Variants in MLYCD observed in about 807,000 individuals in gnomAD.
MLYCD encodes the protein malonyl-CoA decarboxylase, mitochondrial.
MLYCD carries 27 observed loss-of-function variants against 35.8 expected under a neutral mutation model. The ratio of observed to expected loss-of-function variants is 0.75; its 90% CI spans 0.56 to 1.04. The LOEUF (loss-of-function observed/expected upper bound fraction) is 1.04, where lower values mean the gene tolerates loss of function less well. MLYCD is among the 50% of genes least tolerant of loss of function. MLYCD has a pLI of 0.00. For missense variants in MLYCD, 917 were observed against 665.1 expected (o/e 1.38, Z -4.17); for synonymous variants, 403 against 302.4 (o/e 1.33, Z -3.45).
At position 83,899,479 on chromosome 16, in the gene MLYCD, T is replaced by C; in HGVS notation, c.335T>C (p.Leu112Pro). ...GAGCAGAGCGCCGGCGTGCTCCATC[T>C]GCGCCAGCAGCAGCGGGAGGCGGCG... ...VAEQSAGVLH[L>P]RQQQREAAVL... The change falls in exon 1 of 5, where the codon CTG becomes CCG. Residue 112 changes from leucine (L) to proline (P), a missense_variant. Leu to Pro is a moderately conservative substitution (Grantham distance 98, BLOSUM62 -3). Transcript: ENST00000262430. The C allele has an allele frequency of 6.4e-7, 1 of 1,558,362 alleles. No individual in the cohort carries two copies. Among genetic ancestry groups the C allele is most frequent in the Non-Finnish European group, 8.6e-7 (1 of 1,162,676 alleles).
At chr16:83,907,841 T>G (rs963367010) in intron 2 of MLYCD, among the ~76,000 whole-genome samples, 19 of 152,152 alleles carry the variant, frequency 1.2e-4, no homozygotes, top group Non-Finnish European at 2.2e-4. Flanking sequence ...TGATTAGGTT[T>G]CACGTTAAAA....
At chr16:83,909,100 TTGTG>T (rs1222180687) in intron 3 of MLYCD, among the ~76,000 whole-genome samples, 1 of 152,116 alleles carries the variant, frequency 6.6e-6, no homozygotes, top group Non-Finnish European at 1.5e-5. Flanking sequence ...CTTACAATGT[TTGTG>T]TGTGAAAGAG....
rs74032324 is a variant in MLYCD, at chr16:83,923,384, G to A, written c.*7895G>A. ...TGATCTACTCTTAGAAACAAAAGCTGCCCATGATTTCACCACAGAAAGTCT... is the reference window on the plus strand; with the variant it reads ...TGATCTACTCTTAGAAACAAAAGCTACCCATGATTTCACCACAGAAAGTCT... On this transcript the variant is annotated 3_prime_UTR_variant, in exon 5 of 5. Coordinates refer to ENST00000262430, the MANE Select transcript of MLYCD (RefSeq NM_012213.3). 6.6e-6 allele frequency: 1 copy of A among 152,348 alleles called. No homozygotes were observed. The highest frequency in any genetic ancestry group is 2.4e-5 in the African/African-American group (1 of 41,576). 9.4% of individuals were successfully genotyped at this position (152,348 alleles called of 1,614,324 possible).
chr16:83,917,154 C>G lies in MLYCD; in HGVS notation c.*1665C>G, dbSNP rs28529057. ...AGCGTTCTATGTGGATCAGTGCACG[C>G]CTGTGTGCGTGTGCACGAGCGTCTC... On this transcript the variant is annotated 3_prime_UTR_variant, in exon 5 of 5. Coordinates refer to ENST00000262430, the MANE Select transcript of MLYCD (RefSeq NM_012213.3). 7.5e-5 allele frequency: 5 copies of G among 66,338 alleles called. No homozygotes were observed. The highest frequency in any genetic ancestry group is 3.6e-4 in the African/African-American group (5 of 13,736). 4.1% of individuals were successfully genotyped at this position (66,338 alleles called of 1,614,324 possible). A position where few individuals can be genotyped will look rare whatever the true frequency, so the allele number is the denominator to read the frequency against.
intron 2 of MLYCD, among the ~76,000 whole-genome samples, chr16:83,907,529 AG>A (rs1907023394): frequency 6.6e-6 from 1 of 152,124 alleles, no homozygotes. Context: ...ATCATGTGTT[AG>A]TTACATCCAG....
chr16:83,907,845 G>A (rs1034063128), intron 2 of MLYCD, among the ~76,000 whole-genome samples: 3 of 152,132 alleles, frequency 2.0e-5, no homozygotes, highest in Admixed American at 1.3e-4. Context: ...TAGGTTTCAC[G>A]TTAAAATCTG....
chr16:83,902,289 C>A (rs1906823530), intron 1 of MLYCD, among the ~76,000 whole-genome samples: 1 of 149,830 alleles, frequency 6.7e-6, no homozygotes, highest in African/African-American at 2.5e-5. Flanking sequence ...GTCTTGAACT[C>A]CTGGCCTCAA....
rs1258485420 is a variant in MLYCD at position 83,918,349 on chromosome 16, G to T, written c.*2860G>T. ...CAGTGCACAGGAGAACACGCACACGGTGCACAGGAGAACACGCACACATGT... is the reference window on the plus strand; with the variant it reads ...CAGTGCACAGGAGAACACGCACACGTTGCACAGGAGAACACGCACACATGT... On this transcript the variant is annotated 3_prime_UTR_variant, in exon 5 of 5. Coordinates refer to ENST00000262430, the MANE Select transcript of MLYCD (RefSeq NM_012213.3). 1 of 144,500 alleles carries T rather than the reference G, an allele frequency of 6.9e-6. No homozygotes were observed. The highest frequency in any genetic ancestry group is 2.6e-5 in the African/African-American group (1 of 38,564). The allele number at this position is 144,500 out of a possible 1,614,324, so 9.0% of individuals were successfully genotyped here.
rs1271088220 is a variant in MLYCD at position 83,915,653 on chromosome 16, C to T, written c.*164C>T. 3 of 1,506,668 alleles carry T rather than the reference C, an allele frequency of 2.0e-6. No homozygotes were observed. Among genetic ancestry groups the T allele is most frequent in the South Asian group, 1.3e-5 (1 of 79,306 alleles). The allele number at this position is 1,506,668 out of a possible 1,614,324, so 93.3% of individuals were successfully genotyped here. ...TGTGAGGCCAGGCCTCAACTTCCCT[C>T]ACCCTGGGCGTGACATGCACCCAGT... is the stretch of plus-strand genomic sequence containing the variant. On this transcript the variant is annotated 3_prime_UTR_variant, in exon 5 of 5. Coordinates refer to ENST00000262430, the MANE Select transcript of MLYCD (RefSeq NM_012213.3).
rs1160591480 is a variant in MLYCD, at chr16:83,918,184, G to A, written c.*2695G>A. 1 of 152,258 alleles carries A rather than the reference G, an allele frequency of 6.6e-6. No individual in the cohort carries two copies. The highest frequency in any genetic ancestry group is 1.5e-5 in the Non-Finnish European group (1 of 68,054). 9.4% of individuals were successfully genotyped at this position (152,258 alleles called of 1,614,324 possible). A position where few individuals can be genotyped will look rare whatever the true frequency, so the allele number is the denominator to read the frequency against. ...CCCTCCCGGTTTTATTTATCACTCA[G>A]GCAGAGTTTCTTAACCTTTTGTGAG... On this transcript the variant is annotated 3_prime_UTR_variant, in exon 5 of 5. Transcript: ENST00000262430.
In MLYCD at chr16:83,908,152, A is replaced by T. The variant is rs367804337; in HGVS notation, c.668A>T (p.Asn223Ile). 28 of 1,614,066 alleles carry T rather than the reference A, an allele frequency of 1.7e-5. No individual in the cohort carries two copies. The highest frequency in any genetic ancestry group is 2.4e-5 in the Non-Finnish European group (28 of 1,180,026). The change falls in exon 3 of 5, where the codon AAC (asparagine) becomes ATC (isoleucine). Residue 223 changes from asparagine (N) to isoleucine (I), a missense_variant. Coordinates refer to ENST00000262430, the MANE Select transcript of MLYCD (RefSeq NM_012213.3). ...GCTGAGGCTGTGCATCCTGTAAAAAACTGGATGGACATGAAGCGCCGCGTT... is the reference window on the plus strand; with the variant it reads ...GCTGAGGCTGTGCATCCTGTAAAAATCTGGATGGACATGAAGCGCCGCGTT... ...SEAEAVHPVKNWMDMKRRVGP... is the reference protein window; with the variant it reads ...SEAEAVHPVKIWMDMKRRVGP...
chr16:83,918,121 G>A lies in MLYCD; in HGVS notation c.*2632G>A, dbSNP rs1374539654. 1 of 152,262 alleles carries A rather than the reference G, an allele frequency of 6.6e-6. No homozygotes were observed. Among genetic ancestry groups the A allele is most frequent in the Non-Finnish European group, 1.5e-5 (1 of 68,062 alleles). The allele number at this position is 152,262 out of a possible 1,614,324, so 9.4% of individuals were successfully genotyped here. A position where few individuals can be genotyped will look rare whatever the true frequency, so the allele number is the denominator to read the frequency against. On this transcript the variant is annotated 3_prime_UTR_variant, in exon 5 of 5. Transcript: ENST00000262430. Reference sequence around the variant, plus strand: ...CAAGGAGCCCTCCCTCCAGCAAGGCGGCTCATCACATCACGTTACTCTTTA... The same window carrying A: ...CAAGGAGCCCTCCCTCCAGCAAGGCAGCTCATCACATCACGTTACTCTTTA...
chr16:83,917,997 AGAG>A lies in MLYCD; in HGVS notation c.*2512_*2514del, dbSNP rs1292590863. ...ACATCTGCCGAGGCTTTGGCTCACC[AGAG>A]GAGTTTGTAGATGTCAGTCATCCCC... On this transcript the variant is annotated 3_prime_UTR_variant, in exon 5 of 5. Transcript: ENST00000262430. 6.6e-6 allele frequency: 1 copy of A among 152,234 alleles called. No homozygotes were observed. The highest frequency in any genetic ancestry group is 1.5e-5 in the Non-Finnish European group (1 of 68,052). 9.4% of individuals were successfully genotyped at this position (152,234 alleles called of 1,614,324 possible).
chr16:83,915,911 A>C lies in MLYCD; in HGVS notation c.*422A>C. The C allele has an allele frequency of 9.2e-7, 1 of 1,091,360 alleles. No homozygotes were observed. The highest frequency in any genetic ancestry group is 2.8e-5 in the South Asian group (1 of 35,910). 67.6% of individuals were successfully genotyped at this position (1,091,360 alleles called of 1,614,324 possible). On this transcript the variant is annotated 3_prime_UTR_variant, in exon 5 of 5. Coordinates refer to ENST00000262430, the MANE Select transcript of MLYCD (RefSeq NM_012213.3). ...ATAGGTGTTCCTTTGTGCTCATAAAACAGAATGCGGCGATGGTTGCTTTAG... is the reference window on the plus strand; with the variant it reads ...ATAGGTGTTCCTTTGTGCTCATAAACCAGAATGCGGCGATGGTTGCTTTAG...
At position 83,919,530 on chromosome 16, in the gene MLYCD, G is replaced by C. The variant is rs1023420125; in HGVS notation, c.*4041G>C. The C allele has an allele frequency of 6.0e-5, 9 of 150,490 alleles. No homozygotes were observed. The highest frequency in any genetic ancestry group is 2.2e-4 in the African/African-American group (9 of 40,168). The allele number at this position is 150,490 out of a possible 1,614,324, so 9.3% of individuals were successfully genotyped here. A position where few individuals can be genotyped will look rare whatever the true frequency, so the allele number is the denominator to read the frequency against. ...TGCACAGAACACACAGGGCACAGGAGAACACACAGTGCACAGGAGAACACT... is the reference window on the plus strand; with the variant it reads ...TGCACAGAACACACAGGGCACAGGACAACACACAGTGCACAGGAGAACACT... On this transcript the variant is annotated 3_prime_UTR_variant, in exon 5 of 5. Transcript: ENST00000262430.
rs533545144 is a variant in MLYCD, at chr16:83,921,169, A to T, written c.*5680A>T. The T allele has an allele frequency of 1.4e-5, 2 of 147,952 alleles. No individual in the cohort carries two copies. Among genetic ancestry groups the T allele is most frequent in the South Asian group, 2.2e-4 (1 of 4,568 alleles). The allele number at this position is 147,952 out of a possible 1,614,324, so 9.2% of individuals were successfully genotyped here. A position where few individuals can be genotyped will look rare whatever the true frequency, so the allele number is the denominator to read the frequency against. ...GATGGATGGACGAATAGATGGAAGG[A>T]AGATGGGTGGATGGAAGGAAGATGG... On this transcript the variant is annotated 3_prime_UTR_variant, in exon 5 of 5. Coordinates refer to ENST00000262430, the MANE Select transcript of MLYCD (RefSeq NM_012213.3).
intron 1 of MLYCD, among the ~76,000 whole-genome samples, chr16:83,903,382 A>T (rs1160100303): frequency 6.6e-6 from 1 of 152,188 alleles, no homozygotes; most frequent in Non-Finnish European, 1.5e-5. Context: ...CAGTATACCC[A>T]TAGCATCAAG....
At position 83,899,611 on chromosome 16, in the gene MLYCD, A is replaced by G. The variant is rs752334071; in HGVS notation, c.467A>G (p.Gln156Arg). ...GACGGCGGCGTGCGCTTCCTGGTGC[A>G]GCTGCGGGCCGACCTGCTGGAGGCG... ...KLDGGVRFLV[Q>R]LRADLLEAQA... Residue 156 changes from glutamine to arginine, a missense_variant, in exon 1 of 5, where the codon CAG (glutamine) becomes CGG (arginine). Gln to Arg is a conservative substitution (Grantham distance 43). Transcript: ENST00000262430. 1.1e-5 allele frequency: 17 copies of G among 1,578,932 alleles called. No homozygotes were observed. Among genetic ancestry groups the G allele is most frequent in the Admixed American group, 1.7e-5 (1 of 57,520 alleles).
chr16:83,909,263 C>G (rs1036955187), intron 3 of MLYCD, among the ~76,000 whole-genome samples: 2 of 152,132 alleles, frequency 1.3e-5, no homozygotes, highest in African/African-American at 2.4e-5. Flanking sequence ...ATGCTCAGCC[C>G]TGAGAGTCAG....
Sources: allele counts gnomAD v4.1 joint callset (sites outside exome capture counted in the v4.1 genomes callset), GRCh38; gene constraint gnomAD v4.1.1; transcripts MANE v1.5; gene names NCBI Gene and HGNC (gene_info 2026-07-23, HGNC 2026-07-21).